MYO1B: variants seen among roughly 807,000 people sequenced by gnomAD.
The protein encoded by MYO1B is myosin IB.
Under a neutral mutation model 159.7 loss-of-function variants are expected in MYO1B, and 72 were observed. The ratio of observed to expected loss-of-function variants is 0.45; its 90% CI spans 0.37 to 0.55. MYO1B has a LOEUF of 0.55. MYO1B is among the 20% of genes least tolerant of loss of function. The pLI is 0.00. For missense variants in MYO1B, 1,062 were observed against 1,364.8 expected (o/e 0.78, Z 3.50); for synonymous variants, 468 against 473.8 (o/e 0.99, Z 0.16).
At chr2:191,370,174 G>A (rs1462052479) in intron 12 of MYO1B, 53 bp from the exon 13 acceptor site, 1 of 1,116,496 alleles carries the variant, frequency 9.0e-7, no homozygotes. Context: ...TTGGATGCTT[G>A]TAGTGTTATA....
At chr2:191,366,453 G>A in intron 11 of MYO1B, among the ~76,000 whole-genome samples, 1 of 151,638 alleles carries the variant, frequency 6.6e-6, no homozygotes, top group Non-Finnish European at 1.5e-5. Flanking sequence ...GGGAGGTTTT[G>A]ATTGCTGTGA....
chr2:191,252,012 A>G (rs532601491), intron 1 of MYO1B, among the ~76,000 whole-genome samples: 13 of 152,320 alleles, frequency 8.5e-5, no homozygotes, highest in African/African-American at 2.9e-4. Context: ...CTAGCTTCCT[A>G]ACTGATCATT....
At chr2:191,261,119 C>CTG (rs770753586) in intron 1 of MYO1B, among the ~76,000 whole-genome samples, 1 of 152,182 alleles carries the variant, frequency 6.6e-6, no homozygotes, top group Non-Finnish European at 1.5e-5. Context: ...GAGGGCTACC[C>CTG]TGTAGTGTGC....
intron 1 of MYO1B, among the ~76,000 whole-genome samples, chr2:191,262,417 C>G (rs1259169017): frequency 6.6e-6 from 1 of 152,138 alleles, no homozygotes; most frequent in Non-Finnish European, 1.5e-5. Flanking sequence ...CTGCTTAAGC[C>G]TCCTTTAAAT....
At chr2:191,305,636 GATAA>G (rs1181819707) in intron 3 of MYO1B, among the ~76,000 whole-genome samples, 1 of 152,220 alleles carries the variant, frequency 6.6e-6, no homozygotes, top group Non-Finnish European at 1.5e-5. Context: ...GAGACAGACT[GATAA>G]ATAAATACCG....
intron 1 of MYO1B, among the ~76,000 whole-genome samples, chr2:191,269,613 T>C (rs1419690888): frequency 1.3e-5 from 2 of 152,188 alleles, no homozygotes; most frequent in African/African-American, 4.8e-5. Context: ...TGGAGAGTTA[T>C]TGAAGGGTTT....
At chr2:191,392,913 A>G (rs1695842546) in intron 19 of MYO1B, among the ~76,000 whole-genome samples, 160 bp from the exon 20 acceptor site, 1 of 152,186 alleles carries the variant, frequency 6.6e-6, no homozygotes. Flanking sequence ...TTTCTCATGG[A>G]CCATTATCCA....
In MYO1B at chr2:191,375,190, A is replaced by G. The variant is rs747777309; in HGVS notation, c.1185+4898A>G. Among the ~76,000 whole-genome samples the G allele has an allele frequency of 1.5e-4, 23 of 152,320 alleles. 1 individual carries two copies. Among genetic ancestry groups the G allele is most frequent in the Admixed American group, 4.6e-4 (7 of 15,298 alleles). On this transcript the variant is annotated intron_variant, in intron 13 of 30. Coordinates refer to ENST00000392318, the MANE Select transcript of MYO1B (RefSeq NM_001130158.3). ...ATAAACCTCACTGAAAGTGACCCATATATGGTAAGAGTATGATAGGCTGGA... is the reference window on the plus strand; with the variant it reads ...ATAAACCTCACTGAAAGTGACCCATGTATGGTAAGAGTATGATAGGCTGGA...
intron 1 of MYO1B, among the ~76,000 whole-genome samples, chr2:191,254,207 TTTTA>T (rs1034862269): frequency 1.3e-5 from 2 of 152,132 alleles, no homozygotes; most frequent in African/African-American, 4.8e-5. Flanking sequence ...TTCACTTTAT[TTTTA>T]TTTATTTATT....
chr2:191,316,952 G>A (rs35311234), intron 3 of MYO1B, among the ~76,000 whole-genome samples: 52,266 of 152,084 alleles, frequency 0.34, 9,701 homozygotes, highest in Middle Eastern at 0.52. Flanking sequence ...TTTGAGTGCC[G>A]CACCTCTGCA....
At chr2:191,392,982 A>G in intron 19 of MYO1B, 91 bp from the exon 20 acceptor site, 2 of 1,155,324 alleles carry the variant, frequency 1.7e-6, no homozygotes, top group Admixed American at 4.4e-5. Flanking sequence ...TGACTCCAAC[A>G]TGATGGCATT....
intron 11 of MYO1B, among the ~76,000 whole-genome samples, chr2:191,369,281 A>G (rs1694212356): frequency 6.6e-6 from 1 of 152,164 alleles, no homozygotes; most frequent in Non-Finnish European, 1.5e-5. Flanking sequence ...TGTTCCATAA[A>G]ATTGAAATAA....
intron 5 of MYO1B, among the ~76,000 whole-genome samples, chr2:191,342,000 G>A (rs990761038): frequency 5.9e-5 from 9 of 152,088 alleles, no homozygotes; most frequent in African/African-American, 2.2e-4. Context: ...AAACCTGACT[G>A]GAGAGTGCTC....
chr2:191,296,054 C>A, intron 2 of MYO1B, 57 bp from the exon 3 acceptor site: 1 of 996,676 alleles, frequency 1.0e-6, no homozygotes, highest in Non-Finnish European at 1.5e-6. Flanking sequence ...AAGCTTAAGA[C>A]GTTAAAATAC....
rs193144273 is a variant in MYO1B at position 191,345,682 on chromosome 2, A to G, written c.452-554A>G. On this transcript the variant is annotated intron_variant, in intron 5 of 30. Transcript: ENST00000392318. Reference sequence around the variant, plus strand: ...ACTGATGAAACCATGTAGCACTTGTAGCCTATTGGAAATGACTGTTGTTTC... The same window carrying G: ...ACTGATGAAACCATGTAGCACTTGTGGCCTATTGGAAATGACTGTTGTTTC... Among the ~76,000 whole-genome samples, 281 of 152,358 alleles carry G rather than the reference A, an allele frequency of 1.8e-3. 3 individuals are homozygous for G. The highest frequency in any genetic ancestry group is 1.2e-3 in the East Asian group (6 of 5,194).
intron 29 of MYO1B, 118 bp downstream of exon 29, chr2:191,414,787 G>C: frequency 2.9e-6 from 3 of 1,047,578 alleles, no homozygotes; most frequent in Non-Finnish European, 3.9e-6. Context: ...GCAAATTTTG[G>C]ATATTCACCC....
At chr2:191,366,438 T>G (rs548414531) in intron 11 of MYO1B, among the ~76,000 whole-genome samples, 1 of 152,260 alleles carries the variant, frequency 6.6e-6, no homozygotes, top group Non-Finnish European at 1.5e-5. Flanking sequence ...ACTGATCTAT[T>G]GCCTGGGAGG....
At chr2:191,380,655 T>C (rs958222164) in intron 13 of MYO1B, among the ~76,000 whole-genome samples, 3 of 152,200 alleles carry the variant, frequency 2.0e-5, no homozygotes, top group African/African-American at 7.2e-5. Context: ...GTCAACAAAT[T>C]CATAAGAGAT....
chr2:191,387,238 G>A lies in MYO1B; in HGVS notation c.1569G>A (p.Val523=), dbSNP rs775063924. ...QHYAGKVLYQ[V]EGFVDKNNDL... Reference sequence around the variant, plus strand: ...GCTGCTTATAGGTGCTGTACCAGGTGGAAGGATTCGTTGACAAAAACAATG... The same window carrying A: ...GCTGCTTATAGGTGCTGTACCAGGTAGAAGGATTCGTTGACAAAAACAATG... Residue 523 remains valine (V), a synonymous_variant, in exon 17 of 31, where the codon GTG becomes GTA. Transcript: ENST00000392318. 1.2e-6 allele frequency: 2 copies of A among 1,614,054 alleles called. No homozygotes were observed. The highest frequency in any genetic ancestry group is 1.7e-6 in the Non-Finnish European group (2 of 1,179,944).
Sources: allele counts gnomAD v4.1 joint callset (sites outside exome capture counted in the v4.1 genomes callset), GRCh38; gene constraint gnomAD v4.1.1; transcripts MANE v1.5; gene names NCBI Gene and HGNC (gene_info 2026-07-23, HGNC 2026-07-21).